Variants in ADGRG2 observed in about 807,000 individuals in gnomAD.
ADGRG2 encodes the protein adhesion G protein-coupled receptor G2, also known as G protein-coupled receptor 64.
ADGRG2 carries 26 observed loss-of-function variants against 74.1 expected under a neutral mutation model. The ratio of observed to expected loss-of-function variants is 0.35; its 90% CI spans 0.26 to 0.49. ADGRG2 has a LOEUF of 0.49. Among genes scored for constraint, ADGRG2 ranks in the 20% least tolerant of loss-of-function variants. The probability of loss-of-function intolerance (pLI) is 0.99; values close to 1 mark genes in which losing one functional copy is unlikely to be tolerated. For missense variants in ADGRG2, 619 were observed against 763.1 expected, an observed-to-expected ratio of 0.81 and a Z score of 2.22; for synonymous variants, 296 against 295.2, an observed-to-expected ratio of 1.00 and a Z score of -0.03.
At chrX:19,064,032 G>C (rs191643163) in intron 3 of ADGRG2, among the ~76,000 whole-genome samples, 61 of 112,041 alleles carry the variant, frequency 5.4e-4, no homozygotes, top group African/African-American at 1.9e-3. Context: ...GGACAAGGAA[G>C]CTGGCATATT....
rs188555670 is a variant in ADGRG2, at chrX:19,099,049, T to C, written c.-46-16303A>G. Among the ~76,000 whole-genome samples, 125 of 111,787 alleles carry C rather than the reference T, an allele frequency of 1.1e-3. 1 individual carries two copies. Among genetic ancestry groups the C allele is most frequent in the African/African-American group, 4.0e-3 (122 of 30,773 alleles). Reference sequence around the variant, plus strand: ...AAATACAAAAATTAGCCAGGCGTGGTAGCAGGCGCCTGTAATCCCAGCTTC... The same window carrying C: ...AAATACAAAAATTAGCCAGGCGTGGCAGCAGGCGCCTGTAATCCCAGCTTC... On this transcript the variant is annotated intron_variant, in intron 1 of 28. Transcript: ENST00000379869.
intron 22 of ADGRG2, 91 bp downstream of exon 22, chrX:19,005,911 G>A (rs767054299): frequency 4.4e-4 from 245 of 562,484 alleles, no homozygotes; most frequent in Non-Finnish European, 7.0e-4. Flanking sequence ...GATCTGTCAC[G>A]GTTATCCATC....
intron 2 of ADGRG2, among the ~76,000 whole-genome samples, chrX:19,078,562 C>CA (rs941159902): frequency 1.8e-5 from 2 of 108,192 alleles, no homozygotes; most frequent in African/African-American, 6.7e-5. Context: ...GTCTCAAAAA[C>CA]AAAAAAGATA....
At chrX:19,073,021 A>C (rs1335240191) in intron 2 of ADGRG2, among the ~76,000 whole-genome samples, 1 of 112,033 alleles carries the variant, frequency 8.9e-6, no homozygotes, top group East Asian at 2.8e-4. Context: ...TGGAGGTGTG[A>C]GCTGGTGGGA....
intron 1 of ADGRG2, among the ~76,000 whole-genome samples, chrX:19,091,800 C>T (rs898568064): frequency 2.7e-5 from 3 of 112,244 alleles, no homozygotes; most frequent in Non-Finnish European, 3.8e-5. Context: ...ACACAGGCAG[C>T]TTGTGGGATT....
intron 1 of ADGRG2, among the ~76,000 whole-genome samples, chrX:19,103,662 T>C (rs1019842217): frequency 1.8e-5 from 2 of 111,366 alleles, no homozygotes; most frequent in Non-Finnish European, 3.8e-5. Context: ...AAGCTAGCCC[T>C]GTTGATACCA....
intron 3 of ADGRG2, among the ~76,000 whole-genome samples, chrX:19,043,187 T>C (rs185254846): frequency 9.4e-4 from 105 of 111,721 alleles, no homozygotes; most frequent in African/African-American, 3.3e-3. Flanking sequence ...CTTTTTCCTT[T>C]AGGAACCCAG....
intron 3 of ADGRG2, 122 bp from the exon 4 acceptor site, chrX:19,040,346 A>G: frequency 2.2e-6 from 1 of 456,520 alleles, no homozygotes; most frequent in Non-Finnish European, 3.8e-6. Context: ...ACTAAAAAAA[A>G]GTATGTGAAT....
intron 1 of ADGRG2, among the ~76,000 whole-genome samples, chrX:19,101,028 G>A (rs149748541): frequency 0.023 from 2,572 of 111,310 alleles, 93 homozygotes; most frequent in African/African-American, 0.08. Flanking sequence ...AAAATCTAAA[G>A]GAATTATTGG....
chrX:19,086,308 G>A (rs2061935487), intron 1 of ADGRG2, among the ~76,000 whole-genome samples: 1 of 111,187 alleles, frequency 9.0e-6, no homozygotes, highest in African/African-American at 3.3e-5. Context: ...ACATGGCACG[G>A]AACAGAGAAA....
chrX:19,080,804 T>C, intron 2 of ADGRG2, among the ~76,000 whole-genome samples: 1 of 110,594 alleles, frequency 9.0e-6, no homozygotes, highest in Middle Eastern at 4.6e-3. Context: ...CAAGCGATCC[T>C]CCTGCCTCAG....
At chrX:19,121,347 C>T (rs141184608) in intron 1 of ADGRG2, among the ~76,000 whole-genome samples, 2 of 111,672 alleles carry the variant, frequency 1.8e-5, no homozygotes, top group Non-Finnish European at 3.8e-5. Flanking sequence ...CATTTGCATG[C>T]CTTTTCTCCA....
At chrX:19,100,407 A>T (rs777996434) in intron 1 of ADGRG2, among the ~76,000 whole-genome samples, 4 of 113,490 alleles carry the variant, frequency 3.5e-5, no homozygotes, top group Non-Finnish European at 7.5e-5. Context: ...AAAACATGTA[A>T]GTGAATGAGC....
intron 8 of ADGRG2, 109 bp from the exon 9 acceptor site, chrX:19,031,146 T>C (rs748188838): frequency 1.8e-6 from 1 of 550,977 alleles, no homozygotes; most frequent in Non-Finnish European, 3.1e-6. Flanking sequence ...ACCAGAAATA[T>C]TATAAGCTGG....
intron 4 of ADGRG2, chrX:19,039,243 G>A (rs759399549): frequency 9.1e-6 from 3 of 331,111 alleles, no homozygotes; most frequent in Admixed American, 6.2e-5. Flanking sequence ...GTGTGAACAC[G>A]AGCATGTTTT....
chrX:19,114,021 G>A (rs1401995679), intron 1 of ADGRG2, among the ~76,000 whole-genome samples: 3 of 100,962 alleles, frequency 3.0e-5, no homozygotes, highest in Non-Finnish European at 5.9e-5. Flanking sequence ...GCAGTGAGCC[G>A]AGATTGCACC....
At chrX:18,994,607 T>C (rs2059983350) in intron 28 of ADGRG2, among the ~76,000 whole-genome samples, 1 of 112,426 alleles carries the variant, frequency 8.9e-6, no homozygotes, top group Non-Finnish European at 1.9e-5. Flanking sequence ...AATACTGAAG[T>C]CTTTGGACAA....
intron 24 of ADGRG2, among the ~76,000 whole-genome samples, chrX:19,001,483 T>C (rs1351839269): frequency 9.0e-6 from 1 of 111,727 alleles, no homozygotes; most frequent in Non-Finnish European, 1.9e-5. Flanking sequence ...TTGTACCTTC[T>C]GGTGACCCTG....
intron 3 of ADGRG2, among the ~76,000 whole-genome samples, chrX:19,052,595 T>C (rs1470893361): frequency 9.2e-6 from 1 of 109,022 alleles, no homozygotes; most frequent in Non-Finnish European, 1.9e-5. Flanking sequence ...AATTATATGC[T>C]ACATATATAC....
Sources: gnomAD v4.1 joint callset for allele counts (sites outside exome capture counted in the v4.1 genomes callset) on GRCh38, gnomAD v4.1.1 for gene constraint, MANE v1.5 for transcripts, NCBI Gene and HGNC (gene_info 2026-07-23, HGNC 2026-07-21) for gene names.